The following PLCH2 variants were observed in gnomAD, a reference collection of about 807,000 sequenced individuals.
The protein encoded by PLCH2 is 1-phosphatidylinositol 4,5-bisphosphate phosphodiesterase eta-2.
A neutral mutation model predicts 134.7 loss-of-function variants in PLCH2; 98 were observed. The ratio of observed to expected loss-of-function variants is 0.73; its 90% confidence interval spans 0.62 to 0.86. The LOEUF is 0.86. Ranked by LOEUF, PLCH2 falls within the 40% of genes least tolerant of loss-of-function variation. PLCH2 has a pLI of 0.00. For missense variants in PLCH2, 1,994 were observed against 1,986.6 expected (o/e 1.00, Z -0.07); for synonymous variants, 974 against 827.5 (o/e 1.18, Z -3.04).
At chr1:2,459,404 C>T (rs1640666218) in intron 2 of PLCH2, among the ~76,000 whole-genome samples, 1 of 118,154 alleles carries the variant, frequency 8.5e-6, no homozygotes, top group Non-Finnish European at 1.8e-5. Context: ...TGGTGGTTCT[C>T]CTTCCTGGTG....
upstream of PLCH2, among the ~76,000 whole-genome samples, chr1:2,463,701 A>C (rs1165957819): frequency 6.6e-6 from 1 of 152,050 alleles, no homozygotes; most frequent in African/African-American, 2.4e-5. Context: ...GTGGCCACCC[A>C]GGGGGATATC....
chr1:2,432,941 G>T (rs1639139847), intron 2 of PLCH2, among the ~76,000 whole-genome samples: 1 of 152,186 alleles, frequency 6.6e-6, no homozygotes, highest in African/African-American at 2.4e-5. Flanking sequence ...ACACGGGCTG[G>T]GTGGAAGAAC....
At chr1:2,502,549 G>A (rs1346562915) in intron 21 of PLCH2, 140 bp downstream of exon 21, 1 of 947,640 alleles carries the variant, frequency 1.1e-6, no homozygotes. Flanking sequence ...TGAACACCGG[G>A]GGCCTGCAGA....
rs1038285868 is a variant in PLCH2, at chr1:2,444,797, G to A, written c.115+14168G>A. 8.6e-5 allele frequency among the ~76,000 whole-genome samples: 13 copies of A among 152,046 alleles called. No homozygotes were observed. The highest frequency in any genetic ancestry group is 3.1e-4 in the African/African-American group (13 of 41,388). The stretch of plus-strand genomic sequence containing the variant: ...CATGGCCTTCTCCCTCCAGGAGAAT[G>A]GACCCGATCGGTGTCCCCTTCGTCC... On this transcript the variant is annotated intron_variant, in intron 2 of 3. Transcript: ENST00000609981. This position sits in a 1 kb window ranked among gnomAD's most constrained non-coding sequence, Gnocchi z 4.6.
chr1:2,424,605 C>G (rs1362551612), upstream of PLCH2, among the ~76,000 whole-genome samples: 2 of 152,186 alleles, frequency 1.3e-5, no homozygotes, highest in South Asian at 2.1e-4. Flanking sequence ...AATCCCAGCA[C>G]TTTGGGAGGC....
chr1:2,435,322 T>C (rs898968459), intron 2 of PLCH2, among the ~76,000 whole-genome samples: 15 of 152,082 alleles, frequency 9.9e-5, no homozygotes, highest in Non-Finnish European at 2.1e-4. Context: ...GCACCTGGGC[T>C]CGGGGTGTTT....
rs1643462854 is a variant in PLCH2 at position 2,504,973 on chromosome 1, C to T, written c.4011C>T (p.Arg1337=). ...GVAGGPGFVR[R]SSSRSHSRVR... Reference sequence around the variant, plus strand: ...CAGGGGGCCCTGGTTTTGTGCGGCGCTCCTCCTCCCGCAGCCACAGCCGCG... The same window carrying T: ...CAGGGGGCCCTGGTTTTGTGCGGCGTTCCTCCTCCCGCAGCCACAGCCGCG... Residue 1337 remains arginine, a synonymous_variant, in exon 22 of 22, where the codon CGC becomes CGT. Coordinates refer to ENST00000378486, the MANE Select transcript of PLCH2 (RefSeq NM_014638.4). The T allele has an allele frequency of 6.4e-7, 1 of 1,550,390 alleles. No individual in the cohort carries two copies. Among genetic ancestry groups the T allele is most frequent in the Non-Finnish European group, 8.7e-7 (1 of 1,151,096 alleles).
chr1:2,461,635 G>A (rs900763978), intron 2 of PLCH2, among the ~76,000 whole-genome samples: 1 of 152,144 alleles, frequency 6.6e-6, no homozygotes, highest in African/African-American at 2.4e-5. Flanking sequence ...GGACAGTGAC[G>A]CCCACTGGAC....
intron 3 of PLCH2, 84 bp downstream of exon 3, chr1:2,480,061 G>GGTCACACACT: frequency 6.3e-7 from 1 of 1,579,812 alleles, no homozygotes; most frequent in Admixed American, 1.7e-5. Flanking sequence ...TCCTTTGCCG[G>GGTCACACACT]GTCACACACT....
chr1:2,434,557 G>A (rs555134734), intron 2 of PLCH2, among the ~76,000 whole-genome samples: 5 of 152,224 alleles, frequency 3.3e-5, no homozygotes, highest in Non-Finnish European at 7.3e-5. Flanking sequence ...CACTGGCCTC[G>A]GGGGCCCTGA....
At chr1:2,480,939 G>A (rs186120915) in intron 4 of PLCH2, among the ~76,000 whole-genome samples, 90 of 152,288 alleles carry the variant, frequency 5.9e-4, no homozygotes, top group African/African-American at 2.1e-3. Context: ...GGGCCTTGCT[G>A]CTTTGCTGCA....
intron 1 of PLCH2, among the ~76,000 whole-genome samples, chr1:2,426,770 C>A (rs1016996685): frequency 6.6e-6 from 1 of 152,212 alleles, no homozygotes; most frequent in Non-Finnish European, 1.5e-5. Context: ...GGGGTCGGGG[C>A]TGCTGGGTTC....
chr1:2,503,772 GC>G (rs1643369650), intron 21 of PLCH2, 149 bp from the exon 22 acceptor site: 1 of 615,042 alleles, frequency 1.6e-6, no homozygotes. Flanking sequence ...CCCGGGGGAT[GC>G]CTCGGGGTGG....
intron 1 of PLCH2, among the ~76,000 whole-genome samples, chr1:2,427,739 A>G (rs1340697579): frequency 6.6e-6 from 1 of 152,146 alleles, no homozygotes; most frequent in African/African-American, 2.4e-5. Context: ...GTGAGGGGCC[A>G]CCGCAGGTAT....
intron 11 of PLCH2, among the ~76,000 whole-genome samples, chr1:2,491,721 G>T (rs976980294): frequency 1.3e-5 from 2 of 152,242 alleles, no homozygotes; most frequent in African/African-American, 4.8e-5. Context: ...GGGTGGGCCG[G>T]GTCCTGCGGT....
intron 1 of PLCH2, among the ~76,000 whole-genome samples, chr1:2,478,206 A>G (rs1462222851): frequency 6.6e-6 from 1 of 152,180 alleles, no homozygotes; most frequent in African/African-American, 2.4e-5. Context: ...CTCAGTTCCC[A>G]GGACCATCTG....
chr1:2,435,029 G>A (rs1189294005), intron 2 of PLCH2, among the ~76,000 whole-genome samples: 1 of 152,230 alleles, frequency 6.6e-6, no homozygotes, highest in Non-Finnish European at 1.5e-5. Context: ...CATGCAGCAG[G>A]CCGGGCAGAA....
Position 2,504,768 on chromosome 1 carries a change from T to C in PLCH2, c.3806T>C (p.Phe1269Ser). The change falls in exon 22 of 22, where the codon TTT becomes TCT. Residue 1269 changes from phenylalanine (F) to serine (S), a missense_variant. Phe to Ser is a radical substitution (Grantham distance 155, BLOSUM62 -2). Around this residue, in one of 2 missense-constraint regions of PLCH2, gnomAD observed 900 missense variants for 752.3 expected, o/e 1.20. Transcript: ENST00000378486. ...ACTGCTGATGACTTTGCCCCTAGCT[T>C]TGAGGGCGGCTCCCGCAGACTGAGC... ...DLTADDFAPS[F>S]EGGSRRLSHS... 1.2e-6 allele frequency: 2 copies of C among 1,612,192 alleles called. No homozygotes were observed. Among genetic ancestry groups the C allele is most frequent in the Non-Finnish European group, 1.7e-6 (2 of 1,179,708 alleles).
At chr1:2,464,068 C>T (rs1267441916), upstream of PLCH2, among the ~76,000 whole-genome samples, 2 of 152,244 alleles carry the variant, frequency 1.3e-5, no homozygotes, top group African/African-American at 2.4e-5. Context: ...GCGGTGGGAT[C>T]GCTCGGCAGC....
Sources: allele counts gnomAD v4.1 joint callset (sites outside exome capture counted in the v4.1 genomes callset), GRCh38; gene constraint gnomAD v4.1.1; regional missense constraint gnomAD v4.1.1; non-coding constraint Gnocchi (gnomAD v3.1); transcripts MANE v1.5; gene names NCBI Gene and HGNC (gene_info 2026-07-23, HGNC 2026-07-21).